The following PDE3A variants were observed in gnomAD, a reference collection of about 807,000 sequenced individuals.
PDE3A encodes phosphodiesterase 3A.
Under a neutral mutation model 98.3 loss-of-function variants are expected in PDE3A, and 43 were observed. That is an observed-to-expected ratio of 0.44 (90% confidence interval 0.34 to 0.56). The LOEUF is 0.56. PDE3A is among the 20% of genes least tolerant of loss of function. The probability of loss-of-function intolerance (pLI) is 0.01; values close to 1 mark genes in which losing one functional copy is unlikely to be tolerated. For synonymous variants in PDE3A, 663 were observed against 567.9 expected (o/e 1.17, Z -2.38); for missense variants, 1,427 against 1,440.7 (o/e 0.99, Z 0.15).
At chr12:20,402,742 T>G (rs1944156066) in intron 1 of PDE3A, among the ~76,000 whole-genome samples, 1 of 152,308 alleles carries the variant, frequency 6.6e-6, no homozygotes, top group Middle Eastern at 3.4e-3. Flanking sequence ...TCTGCAGTAT[T>G]GTGAAAAATA....
chr12:20,563,444 A>AC (rs61521389), intron 2 of PDE3A, among the ~76,000 whole-genome samples: 146,653 of 152,242 alleles, frequency 0.96, 70,849 homozygotes, highest in East Asian at 1. Context: ...GCTCATTATT[A>AC]GTCTCTCAAA....
chr12:20,464,369 G>A (rs1436952029), intron 1 of PDE3A, among the ~76,000 whole-genome samples: 1 of 152,062 alleles, frequency 6.6e-6, no homozygotes, highest in East Asian at 1.9e-4. Context: ...ACTTAACAAG[G>A]TTCACTGTCA....
intron 1 of PDE3A, among the ~76,000 whole-genome samples, chr12:20,407,427 G>C (rs762518924): frequency 1.1e-3 from 163 of 152,182 alleles, no homozygotes; most frequent in Non-Finnish European, 2.0e-3. Flanking sequence ...TATTTGAAAG[G>C]CAAAAAAGGC....
At chr12:20,486,680 C>A (rs1945732757) in intron 1 of PDE3A, among the ~76,000 whole-genome samples, 1 of 152,198 alleles carries the variant, frequency 6.6e-6, no homozygotes, top group Admixed American at 6.5e-5. Flanking sequence ...GTCACCTGTG[C>A]TGGAGTGCAG....
At chr12:20,596,970 T>C (rs1401058614) in intron 2 of PDE3A, among the ~76,000 whole-genome samples, 2 of 152,156 alleles carry the variant, frequency 1.3e-5, no homozygotes, top group Non-Finnish European at 2.9e-5. Context: ...GTATTTAGCA[T>C]TGTGAATAGC....
At chr12:20,386,089 A>AT (rs74204911) in intron 1 of PDE3A, among the ~76,000 whole-genome samples, 348 of 29,392 alleles carry the variant, frequency 0.012, 19 homozygotes, top group African/African-American at 0.036. Context: ...ATAAATATAT[A>AT]AATATATATA....
At chr12:20,496,516 C>T (rs1002438467) in intron 1 of PDE3A, among the ~76,000 whole-genome samples, 7 of 151,776 alleles carry the variant, frequency 4.6e-5, no homozygotes, top group Non-Finnish European at 7.4e-5. Flanking sequence ...ACTCCACATC[C>T]CACCCCCCAC....
At chr12:20,539,729 C>A (rs75214811) in intron 1 of PDE3A, among the ~76,000 whole-genome samples, 5,451 of 152,100 alleles carry the variant, frequency 0.036, 139 homozygotes, top group Middle Eastern at 0.065. Context: ...AATGAGCTGA[C>A]AATGCTAAGA....
intron 1 of PDE3A, among the ~76,000 whole-genome samples, chr12:20,467,902 T>C (rs568464646): frequency 8.8e-6 from 1 of 113,830 alleles, no homozygotes; most frequent in East Asian, 3.1e-4. Flanking sequence ...GCCACTGCAC[T>C]CCAGCCTGGC....
chr12:20,456,103 C>T (rs1945147269), intron 1 of PDE3A, among the ~76,000 whole-genome samples: 1 of 152,134 alleles, frequency 6.6e-6, no homozygotes, highest in Admixed American at 6.6e-5. Context: ...CAACCTGTAG[C>T]TTCCCTCATG....
intron 15 of PDE3A, among the ~76,000 whole-genome samples, chr12:20,675,489 G>T (rs1320167779): frequency 6.6e-6 from 1 of 152,246 alleles, no homozygotes; most frequent in Non-Finnish European, 1.5e-5. Context: ...TGAGCTGTCT[G>T]GTTCTGAGAG....
intron 5 of PDE3A, among the ~76,000 whole-genome samples, chr12:20,625,057 CCT>C (rs1471081664): frequency 6.6e-6 from 1 of 152,070 alleles, no homozygotes; most frequent in African/African-American, 2.4e-5. Flanking sequence ...AGATAAATAC[CCT>C]GTTTCCAGAG....
At chr12:20,500,921 C>T (rs1030603763) in intron 1 of PDE3A, among the ~76,000 whole-genome samples, 2 of 151,886 alleles carry the variant, frequency 1.3e-5, no homozygotes, top group African/African-American at 4.8e-5. Flanking sequence ...GTGTGCGCTA[C>T]TATGCCCAGC....
Position 20,680,389 on chromosome 12 carries a change from A to G in PDE3A, c.*118A>G. On this transcript the variant is annotated 3_prime_UTR_variant, in exon 16 of 16. Coordinates refer to ENST00000359062, the MANE Select transcript of PDE3A (RefSeq NM_000921.5). ...TTTGAGATGGGCAAATGGCTATTGC[A>G]TTTTGGGATTCTTCGCATTTTGTGT... 1.9e-6 allele frequency: 2 copies of G among 1,062,368 alleles called. No individual in the cohort carries two copies. Among genetic ancestry groups the G allele is most frequent in the Non-Finnish European group, 2.7e-6 (2 of 731,094 alleles). The allele number at this position is 1,062,368 out of a possible 1,614,324, so 65.8% of individuals were successfully genotyped here. A position where few individuals can be genotyped will look rare whatever the true frequency, so the allele number is the denominator to read the frequency against.
At chr12:20,458,362 T>C (rs1222633881) in intron 1 of PDE3A, among the ~76,000 whole-genome samples, 1 of 151,824 alleles carries the variant, frequency 6.6e-6, no homozygotes, top group Admixed American at 6.6e-5. Context: ...TTTATCGAGG[T>C]ATATAAATAT....
intron 1 of PDE3A, among the ~76,000 whole-genome samples, chr12:20,441,223 A>C (rs1379232964): frequency 6.6e-6 from 1 of 152,194 alleles, no homozygotes; most frequent in Non-Finnish European, 1.5e-5. Flanking sequence ...CCAGACTTGA[A>C]AGAGATTATT....
chr12:20,620,730 A>G (rs2121478585), intron 4 of PDE3A, among the ~76,000 whole-genome samples: 1 of 152,134 alleles, frequency 6.6e-6, no homozygotes, highest in South Asian at 2.1e-4. Context: ...GTTTAGCATC[A>G]GCTCCATTGT....
intron 1 of PDE3A, among the ~76,000 whole-genome samples, chr12:20,549,082 T>C (rs1942132221): frequency 6.6e-6 from 1 of 152,160 alleles, no homozygotes; most frequent in African/African-American, 2.4e-5. Flanking sequence ...AAATGCCTCA[T>C]TTTATTTTAA....
At chr12:20,412,356 T>A (rs1324799437) in intron 1 of PDE3A, among the ~76,000 whole-genome samples, 1 of 152,226 alleles carries the variant, frequency 6.6e-6, no homozygotes, top group Non-Finnish European at 1.5e-5. Context: ...ATCTCCCACT[T>A]TTAATTTACC....
Sources: allele counts gnomAD v4.1 joint callset (sites outside exome capture counted in the v4.1 genomes callset), GRCh38; gene constraint gnomAD v4.1.1; transcripts MANE v1.5; gene names NCBI Gene and HGNC (gene_info 2026-07-23, HGNC 2026-07-21).